Variants in MTR observed in about 807,000 individuals in gnomAD.
MTR encodes the protein 5-methyltetrahydrofolate-homocysteine methyltransferase, also known as methionine synthase.
MTR carries 84 observed loss-of-function variants against 154.8 expected under a neutral mutation model. That is an observed-to-expected ratio of 0.54 (90% CI 0.45 to 0.65). The LOEUF (loss-of-function observed/expected upper bound fraction) is 0.65, where lower values mean the gene tolerates loss of function less well. Among genes scored for constraint, MTR ranks in the 30% least tolerant of loss-of-function variants. The pLI is 0.00. For missense variants in MTR, 1,275 were observed against 1,570.2 expected (o/e 0.81, Z 3.18); for synonymous variants, 554 against 553.9 (o/e 1.00, Z 0.00).
rs750765808 is a variant in MTR, at chr1:236,889,322, A to G, written c.2993A>G (p.Asn998Ser). 6.2e-7 allele frequency: 1 copy of G among 1,614,194 alleles called. No homozygotes were observed. The highest frequency in any genetic ancestry group is 1.1e-5 in the South Asian group (1 of 91,072). Residue 998 changes from asparagine (N) to serine (S), a missense_variant, in exon 28 of 33, where the codon AAC becomes AGC. Asn to Ser is a conservative substitution (Grantham distance 46, BLOSUM62 1). Transcript: ENST00000366577. ...YPNRGFPKIF[N>S]DKTVGGEARK... ...AATCGAGGCTTTCCCAAGATATTTA[A>G]CGACAAAACAGTAGGTTAGTGCAGT...
rs1666985585 is a variant in MTR at position 236,902,936 on chromosome 1, G to A, written c.*5292G>A. The A allele has an allele frequency of 6.6e-6, 1 of 152,138 alleles. No individual in the cohort carries two copies. Among genetic ancestry groups the A allele is most frequent in the Non-Finnish European group, 1.5e-5 (1 of 68,036 alleles). The allele number at this position is 152,138 out of a possible 1,614,324, so 9.4% of individuals were successfully genotyped here. A position where few individuals can be genotyped will look rare whatever the true frequency, so the allele number is the denominator to read the frequency against. ...AGAACTGAAAGTATATTCTGATTCG[G>A]TGTGTGTATAAGGAAATATACACCA... On this transcript the variant is annotated 3_prime_UTR_variant, in exon 33 of 33. Coordinates refer to ENST00000366577, the MANE Select transcript of MTR (RefSeq NM_000254.3).
In MTR at chr1:236,895,421, C is replaced by G; in HGVS notation, c.3469C>G (p.Gln1157Glu). The change falls in exon 31 of 33, where the codon CAG (glutamine) becomes GAG (glutamate). Residue 1157 changes from glutamine (Q) to glutamate (E), a missense_variant. Gln to Glu is a conservative substitution (Grantham distance 29, BLOSUM62 2). Coordinates refer to ENST00000366577, the MANE Select transcript of MTR (RefSeq NM_000254.3). ...ACTGTGGGCCTACTGTGGCAGTGAG[C>G]AGCTGGACGTCGCAGACCTGCGCAG... ...RELWAYCGSE[Q>E]LDVADLRRLR... 3 of 1,605,034 alleles carry G rather than the reference C, an allele frequency of 1.9e-6. No homozygotes were observed. The highest frequency in any genetic ancestry group is 2.6e-6 in the Non-Finnish European group (3 of 1,175,534).
chr1:236,859,981 T>C (rs1005205057), intron 19 of MTR, 59 bp downstream of exon 19: 2 of 1,456,360 alleles, frequency 1.4e-6, no homozygotes, highest in Admixed American at 1.7e-5. Context: ...ACTGATCCTG[T>C]TGTGGGCGGT....
chr1:236,863,518 A>G lies in MTR; in HGVS notation c.2369A>G (p.Asn790Ser). ...VKGDVHDIGK[N>S]IVGVVLGCNN... The stretch of plus-strand genomic sequence containing the variant: ...GGCGACGTGCACGACATAGGCAAGA[A>G]CATAGTTGGAGTAGTCCTTGGCTGC... The change falls in exon 22 of 33, where the codon AAC (asparagine) becomes AGC (serine). Residue 790 changes from asparagine to serine, a missense_variant. By Grantham distance (46) the Asn-to-Ser change is conservative (BLOSUM62 1). Transcript: ENST00000366577. 1.2e-6 allele frequency: 2 copies of G among 1,614,108 alleles called. No homozygotes were observed. Among genetic ancestry groups the G allele is most frequent in the South Asian group, 1.1e-5 (1 of 91,086 alleles).
chr1:236,814,593 T>C lies in MTR; in HGVS notation c.610-1011T>C, dbSNP rs536636612. Reference sequence around the variant, plus strand: ...TATTAAACATCCTGTTATTTCACAGTGATAGGAATGATGTGGAGCATTATC... The same window carrying C: ...TATTAAACATCCTGTTATTTCACAGCGATAGGAATGATGTGGAGCATTATC... On this transcript the variant is annotated intron_variant, in intron 6 of 32. Coordinates refer to ENST00000366577, the MANE Select transcript of MTR (RefSeq NM_000254.3). Among the ~76,000 whole-genome samples the C allele has an allele frequency of 7.2e-5, 11 of 152,344 alleles. No homozygotes were observed. In the South Asian group the frequency reaches 2.3e-3, roughly 32 times the overall value.
At position 236,856,335 on chromosome 1, in the gene MTR, T is replaced by C. The variant is rs188280629; in HGVS notation, c.1953+3247T>C. Among the ~76,000 whole-genome samples, 9 of 152,184 alleles carry C rather than the reference T, an allele frequency of 5.9e-5. 1 individual carries two copies. In the East Asian group the frequency reaches 1.7e-3, roughly 29 times the overall value. ...GGGACTGTGAACATCAGAGGGACTT[T>C]TTCTTTTTTTTTACTATCTCGTTCA... On this transcript the variant is annotated intron_variant, in intron 18 of 32. Coordinates refer to ENST00000366577, the MANE Select transcript of MTR (RefSeq NM_000254.3).
intron 29 of MTR, among the ~76,000 whole-genome samples, chr1:236,891,973 G>A (rs935185849): frequency 2.0e-5 from 3 of 151,846 alleles, no homozygotes; most frequent in South Asian, 2.1e-4. Flanking sequence ...TTTTTCTTTC[G>A]AGTGACGAGA....
At chr1:236,839,159 G>A (rs1018403915) in intron 15 of MTR, among the ~76,000 whole-genome samples, 1 of 152,202 alleles carries the variant, frequency 6.6e-6, no homozygotes, top group African/African-American at 2.4e-5. Context: ...CATGGAGAAA[G>A]GTTGAAGTAT....
rs187640697 is a variant in MTR at position 236,869,161 on chromosome 1, G to A, written c.2406-4612G>A. 2.0e-3 allele frequency among the ~76,000 whole-genome samples: 312 copies of A among 152,352 alleles called. 1 individual carries two copies. Among genetic ancestry groups the A allele is most frequent in the African/African-American group, 7.2e-3 (298 of 41,590 alleles). On this transcript the variant is annotated intron_variant, in intron 22 of 32. Coordinates refer to ENST00000366577, the MANE Select transcript of MTR (RefSeq NM_000254.3). The stretch of plus-strand genomic sequence containing the variant: ...CAAGTATCAGGTACCTTAAAAGGAT[G>A]CAGATGCAGTTTTATTTTCCTTTTT...
chr1:236,832,917 A>G (rs943326237), intron 13 of MTR, among the ~76,000 whole-genome samples: 1 of 152,168 alleles, frequency 6.6e-6, no homozygotes, highest in African/African-American at 2.4e-5. Flanking sequence ...CTGGTTGCCC[A>G]GTTTCACCAC....
At position 236,873,839 on chromosome 1, in the gene MTR, A is replaced by G. The variant is rs1665277178; in HGVS notation, c.2472A>G (p.Ala824=). 5.6e-6 allele frequency: 9 copies of G among 1,613,732 alleles called. No individual in the cohort carries two copies. The highest frequency in any genetic ancestry group is 7.6e-6 in the Non-Finnish European group (9 of 1,179,722). Reference sequence around the variant, plus strand: ...TGAAAGCTGCTCTTGACCACAAAGCAGGTACTGTGCAACTATACTTTGGGC... The same window carrying G: ...TGAAAGCTGCTCTTGACCACAAAGCGGGTACTGTGCAACTATACTTTGGGC... ...KILKAALDHK[A]DIIGLSGLIT... is the part of the protein sequence containing the mutation. Residue 824 remains alanine, a splice_region_variant and synonymous_variant, in exon 23 of 33, where the codon GCA becomes GCG. Coordinates refer to ENST00000366577, the MANE Select transcript of MTR (RefSeq NM_000254.3).
At chr1:236,896,950 A>G in intron 31 of MTR, 56 bp from the exon 32 acceptor site, 1 of 1,284,660 alleles carries the variant, frequency 7.8e-7, no homozygotes. Flanking sequence ...TGCTAGCTGC[A>G]GGCCCTGTGC....
At chr1:236,873,689 A>G (rs982709589) in intron 22 of MTR, 84 bp from the exon 23 acceptor site, 7 of 1,127,124 alleles carry the variant, frequency 6.2e-6, no homozygotes, top group Non-Finnish European at 9.5e-6. Context: ...AGCAGTATTT[A>G]ATGGTTGAAA....
chr1:236,902,630 G>C lies in MTR; in HGVS notation c.*4986G>C, dbSNP rs550047621. 2 of 152,316 alleles carry C rather than the reference G, an allele frequency of 1.3e-5. No homozygotes were observed. The highest frequency in any genetic ancestry group is 4.2e-4 in the South Asian group (2 of 4,812). The allele number at this position is 152,316 out of a possible 1,614,324, so 9.4% of individuals were successfully genotyped here. ...CAGGATACCCAGAGCCTAGCTCAGT[G>C]CCTGCCATGAAATTGTTCACTCCAT... On this transcript the variant is annotated 3_prime_UTR_variant, in exon 33 of 33. Transcript: ENST00000366577.
Position 236,889,064 on chromosome 1 carries a change from G to A in MTR, c.2852-117G>A, listed in dbSNP as rs1024271937. 8.1e-6 allele frequency: 10 copies of A among 1,236,292 alleles called. No homozygotes were observed. The African/African-American group carries it at 8.9e-5, about 11-fold the overall frequency. 76.6% of individuals were successfully genotyped at this position (1,236,292 alleles called of 1,614,324 possible). ...CCCCTCTTTGTAAAACAACTCCTAC[G>A]GGTGACAGGAGGGAGGCGGAGTGTG... On this transcript the variant is annotated intron_variant, in intron 27 of 32. Coordinates refer to ENST00000366577, the MANE Select transcript of MTR (RefSeq NM_000254.3).
chr1:236,894,751 C>T (rs1666529552), intron 30 of MTR, 194 bp downstream of exon 30: 4 of 622,672 alleles, frequency 6.4e-6, no homozygotes, highest in South Asian at 6.1e-5. Context: ...TGTACATTAT[C>T]TTTGAGGCAA....
intron 15 of MTR, among the ~76,000 whole-genome samples, chr1:236,845,125 G>A (rs1361345029): frequency 6.6e-6 from 1 of 152,174 alleles, no homozygotes; most frequent in Non-Finnish European, 1.5e-5. Context: ...GGACATGGTG[G>A]AACCAAGTTT....
intron 22 of MTR, among the ~76,000 whole-genome samples, chr1:236,868,373 T>C (rs1031603809): frequency 6.6e-6 from 1 of 152,226 alleles, no homozygotes; most frequent in Non-Finnish European, 1.5e-5. Flanking sequence ...CAGTATAGTG[T>C]GAACATAACT....
At chr1:236,841,859 T>G (rs1241452523) in intron 15 of MTR, among the ~76,000 whole-genome samples, 2 of 152,136 alleles carry the variant, frequency 1.3e-5, no homozygotes, top group African/African-American at 4.8e-5. Context: ...TCATTCCCAC[T>G]GGTATTAGTA....
Sources: gnomAD v4.1 joint callset for allele counts (sites outside exome capture counted in the v4.1 genomes callset) on GRCh38, gnomAD v4.1.1 for gene constraint, MANE v1.5 for transcripts, NCBI Gene and HGNC (gene_info 2026-07-23, HGNC 2026-07-21) for gene names.